Variants in SPAG17 observed in about 807,000 individuals in gnomAD.
SPAG17 encodes sperm associated antigen 17, also known as sperm-associated antigen 17.
Under a neutral mutation model 273.6 loss-of-function variants are expected in SPAG17, and 169 were observed. The observed-to-expected ratio is 0.62, with a 90% confidence interval of 0.55 to 0.70. The LOEUF is 0.70. SPAG17 is among the 30% of genes least tolerant of loss of function. SPAG17 has a pLI of 0.00. For synonymous variants in SPAG17, 825 were observed against 873.2 expected (o/e 0.94, Z 0.97); for missense variants, 2,557 against 2,627.8 (o/e 0.97, Z 0.59).
At chr1:117,955,468 TTAAC>T in intron 48 of SPAG17, 3 of 1,004,096 alleles carry the variant, frequency 3.0e-6, no homozygotes, top group Non-Finnish European at 4.4e-6. Flanking sequence ...TCTTATAGGT[TTAAC>T]TATATCAAAG....
intron 1 of SPAG17, among the ~76,000 whole-genome samples, chr1:118,161,880 G>T (rs1377974377): frequency 6.6e-6 from 1 of 152,182 alleles, no homozygotes; most frequent in Non-Finnish European, 1.5e-5. Context: ...AGGTGAAAGA[G>T]AACTGGGGGG....
intron 28 of SPAG17, among the ~76,000 whole-genome samples, chr1:118,017,980 A>G (rs1168138224): frequency 6.6e-6 from 1 of 152,208 alleles, no homozygotes. Flanking sequence ...TAACTGCTAG[A>G]AAACATCTTT....
chr1:118,159,222 A>G (rs1167456826), intron 1 of SPAG17, among the ~76,000 whole-genome samples: 1 of 152,236 alleles, frequency 6.6e-6, no homozygotes, highest in African/African-American at 2.4e-5. Context: ...TGATGAAAAC[A>G]CAGTAGTCTA....
At chr1:118,081,782 C>G (rs1005512225) in intron 13 of SPAG17, 140 bp from the exon 14 acceptor site, 19 of 670,508 alleles carry the variant, frequency 2.8e-5, no homozygotes, top group Non-Finnish European at 4.3e-5. Flanking sequence ...TGATTTTAAA[C>G]ATTGGCTCCC....
intron 4 of SPAG17, among the ~76,000 whole-genome samples, chr1:118,107,525 A>G: frequency 6.6e-6 from 1 of 152,148 alleles, no homozygotes; most frequent in Non-Finnish European, 1.5e-5. Flanking sequence ...CAAAAGTATT[A>G]AAAATGTTTA....
At chr1:118,064,334 C>T (rs1419277645) in intron 18 of SPAG17, among the ~76,000 whole-genome samples, 1 of 151,644 alleles carries the variant, frequency 6.6e-6, no homozygotes, top group Non-Finnish European at 1.5e-5. Context: ...TTGGAACCAA[C>T]CCAAATGTCC....
At chr1:118,160,855 G>T (rs1213693311) in intron 1 of SPAG17, among the ~76,000 whole-genome samples, 3 of 152,190 alleles carry the variant, frequency 2.0e-5, no homozygotes, top group Admixed American at 1.3e-4. Context: ...TAAAGAAAGA[G>T]GATCCAGGGA....
At chr1:117,992,704 C>T (rs1478764324) in intron 35 of SPAG17, 56 bp from the exon 36 acceptor site, 1 of 1,397,124 alleles carries the variant, frequency 7.2e-7, no homozygotes, top group Non-Finnish European at 9.4e-7. Flanking sequence ...TTTTCACATT[C>T]AAATTTTTTT....
intron 7 of SPAG17, among the ~76,000 whole-genome samples, chr1:118,095,014 C>A (rs1179475753): frequency 2.0e-5 from 3 of 152,150 alleles, no homozygotes; most frequent in African/African-American, 7.2e-5. Flanking sequence ...CAACTAGAGA[C>A]CCTTTACATT....
At chr1:118,130,804 T>C (rs749636093) in intron 3 of SPAG17, among the ~76,000 whole-genome samples, 4 of 152,224 alleles carry the variant, frequency 2.6e-5, no homozygotes, top group African/African-American at 4.8e-5. Flanking sequence ...CTGTGGATTA[T>C]TGAGTGCATA....
At chr1:118,045,191 T>C (rs1650209480) in intron 20 of SPAG17, among the ~76,000 whole-genome samples, 1 of 152,180 alleles carries the variant, frequency 6.6e-6, no homozygotes, top group South Asian at 2.1e-4. Context: ...ATTTCATAAG[T>C]GATAGGAGCA....
chr1:117,990,187 G>T (rs1032272570), intron 38 of SPAG17, among the ~76,000 whole-genome samples: 1 of 152,046 alleles, frequency 6.6e-6, no homozygotes, highest in African/African-American at 2.4e-5. Flanking sequence ...AGAAAAATCT[G>T]GATAAACAAC....
chr1:118,110,169 ATAACT>A (rs1206900340), intron 4 of SPAG17, among the ~76,000 whole-genome samples: 3 of 152,238 alleles, frequency 2.0e-5, no homozygotes, highest in African/African-American at 4.8e-5. Context: ...AGAAATTGAA[ATAACT>A]TAAATGCTCA....
rs188284850 is a variant in SPAG17, at chr1:118,118,677, C to T, written c.316-3236G>A. 6.0e-4 allele frequency among the ~76,000 whole-genome samples: 91 copies of T among 152,240 alleles called. 1 individual carries two copies. The highest frequency in any genetic ancestry group is 1.9e-3 in the African/African-American group (78 of 41,534). On this transcript the variant is annotated intron_variant, in intron 3 of 48. Transcript: ENST00000336338. ...CTGCCAGGACCGGAGAGAGGCTCTA[C>T]GCTGAAAGACCAAAGGTCACTCAGT... is the stretch of plus-strand genomic sequence containing the variant.
At chr1:118,075,107 C>A (rs1379063275) in intron 15 of SPAG17, among the ~76,000 whole-genome samples, 1 of 152,200 alleles carries the variant, frequency 6.6e-6, no homozygotes, top group Non-Finnish European at 1.5e-5. Context: ...ACGCTTTCAC[C>A]ATTCTGCAGA....
chr1:118,058,180 A>C (rs1191909004), intron 18 of SPAG17, among the ~76,000 whole-genome samples: 3 of 152,194 alleles, frequency 2.0e-5, no homozygotes, highest in Non-Finnish European at 4.4e-5. Flanking sequence ...GACATAGGCT[A>C]TCAGAGTAAC....
At chr1:118,099,511 T>G in intron 6 of SPAG17, 95 bp downstream of exon 6, 1 of 1,140,404 alleles carries the variant, frequency 8.8e-7, no homozygotes, top group African/African-American at 1.6e-5. Context: ...ATGTACTAAT[T>G]GTAAGACTAT....
In SPAG17 at chr1:117,981,755, A is replaced by G. The variant is rs543597365; in HGVS notation, c.5873-354T>C. 2.2e-4 allele frequency among the ~76,000 whole-genome samples: 33 copies of G among 152,360 alleles called. No homozygotes were observed. The South Asian group carries it at 6.4e-3, about 30-fold the overall frequency. ...TACTTTTACCTGGTAACGGCAACTG[A>G]GATGTTATCTTTTTTCAGAAATTTC... On this transcript the variant is annotated intron_variant, in intron 42 of 48. Coordinates refer to ENST00000336338, the MANE Select transcript of SPAG17 (RefSeq NM_206996.4).
At chr1:117,979,958 T>C (rs951553011) in intron 43 of SPAG17, among the ~76,000 whole-genome samples, 1 of 152,250 alleles carries the variant, frequency 6.6e-6, no homozygotes, top group Admixed American at 6.5e-5. Flanking sequence ...GTCATAATAT[T>C]TATTACAACC....
Sources: gnomAD v4.1 joint callset for allele counts (sites outside exome capture counted in the v4.1 genomes callset) on GRCh38, gnomAD v4.1.1 for gene constraint, MANE v1.5 for transcripts, NCBI Gene and HGNC (gene_info 2026-07-23, HGNC 2026-07-21) for gene names.